Variants in SLC48A1 observed in about 807,000 individuals in gnomAD.
The protein encoded by SLC48A1 is heme transporter HRG1.
SLC48A1 carries 6 observed loss-of-function variants against 14.8 expected under a neutral mutation model. That is an observed-to-expected ratio of 0.41 (90% CI 0.22 to 0.80). The LOEUF (loss-of-function observed/expected upper bound fraction) is 0.80. Among genes scored for constraint, SLC48A1 ranks in the 30% least tolerant of loss-of-function variants. SLC48A1 has a pLI of 0.34. For synonymous variants in SLC48A1, 89 were observed against 90.0 expected (o/e 0.99, Z 0.06); for missense variants, 165 against 204.8 (o/e 0.81, Z 1.19).
rs916243112 is a variant in SLC48A1 at position 47,781,019 on chromosome 12, C to T, written c.*738C>T. 2 of 453,692 alleles carry T rather than the reference C, an allele frequency of 4.4e-6. No individual in the cohort carries two copies. Among genetic ancestry groups the T allele is most frequent in the African/African-American group, 2.0e-5 (1 of 49,688 alleles). 28.1% of individuals were successfully genotyped at this position (453,692 alleles called of 1,614,324 possible). A position where few individuals can be genotyped will look rare whatever the true frequency, so the allele number is the denominator to read the frequency against. On this transcript the variant is annotated 3_prime_UTR_variant, in exon 3 of 3. Coordinates refer to ENST00000442218, the MANE Select transcript of SLC48A1 (RefSeq NM_017842.3). ...TGCCCTAGGCACTCTCTTCCCAAGGCCAGGTTGGGCACCTGGGGAGGTCAG... is the reference window on the plus strand; with the variant it reads ...TGCCCTAGGCACTCTCTTCCCAAGGTCAGGTTGGGCACCTGGGGAGGTCAG...
At chr12:47,779,936 A>C (rs544493504) in intron 2 of SLC48A1, among the ~76,000 whole-genome samples, 1 of 152,324 alleles carries the variant, frequency 6.6e-6, no homozygotes, top group East Asian at 1.9e-4. Flanking sequence ...TTGTGGAAAA[A>C]TTGTCTTCCA....
chr12:47,757,012 G>A (rs571066176), upstream of SLC48A1, among the ~76,000 whole-genome samples: 6 of 151,958 alleles, frequency 3.9e-5, no homozygotes, highest in South Asian at 2.1e-4. Context: ...GAACTCTCCC[G>A]GCCAAGCGCA....
intron 1 of SLC48A1, chr12:47,760,161 T>C (rs12426774): frequency 0.15 from 148,232 of 965,200 alleles, 11,891 homozygotes; most frequent in Non-Finnish European, 0.16. Context: ...CAGCAATTCA[T>C]ATTCAATCCT....
At chr12:47,767,386 G>C (rs1942539442), upstream of SLC48A1, among the ~76,000 whole-genome samples, 1 of 152,280 alleles carries the variant, frequency 6.6e-6, no homozygotes, top group South Asian at 2.1e-4. Context: ...CATATGTATT[G>C]AATATTTATT....
upstream of SLC48A1, among the ~76,000 whole-genome samples, chr12:47,771,826 G>A (rs577220640): frequency 4.3e-4 from 66 of 152,116 alleles, no homozygotes; most frequent in African/African-American, 1.5e-3. Context: ...CCAACTTCTC[G>A]GGAGGCTGAT....
At chr12:47,762,288 C>G (rs2136843553) in intron 2 of SLC48A1, among the ~76,000 whole-genome samples, 1 of 136,986 alleles carries the variant, frequency 7.3e-6, no homozygotes, top group African/African-American at 2.7e-5. Context: ...CCACCTCGGC[C>G]TCTTTGCTGA....
At chr12:47,762,438 C>A (rs1300562464) in intron 2 of SLC48A1, among the ~76,000 whole-genome samples, 4 of 152,200 alleles carry the variant, frequency 2.6e-5, no homozygotes, top group African/African-American at 7.2e-5. Context: ...AAGTGAGGAG[C>A]CTGATACCCT....
At position 47,780,694 on chromosome 12, in the gene SLC48A1, G is replaced by C. The variant is rs1157484634; in HGVS notation, c.*413G>C. On this transcript the variant is annotated 3_prime_UTR_variant, in exon 3 of 3. Transcript: ENST00000442218. ...CAATTCTCCTGCCTTGGCCTCTCAA[G>C]TAGCTGGGATTACAGGCATCTGCCA... 2.5e-6 allele frequency: 1 copy of C among 400,130 alleles called. No individual in the cohort carries two copies. Among genetic ancestry groups the C allele is most frequent in the Non-Finnish European group, 4.9e-6 (1 of 203,820 alleles). 24.8% of individuals were successfully genotyped at this position (400,130 alleles called of 1,614,324 possible).
chr12:47,773,188 C>T, upstream of SLC48A1: 1 of 996,896 alleles, frequency 1.0e-6, no homozygotes. Context: ...GGGCCGGGGG[C>T]GGAGCGCGGG....
In SLC48A1 at chr12:47,780,366, C is replaced by G. The variant is rs1349017465; in HGVS notation, c.*85C>G. On this transcript the variant is annotated 3_prime_UTR_variant, in exon 3 of 3. Transcript: ENST00000442218. ...GATGTTGGGAGAGGCTACTCCCACC[C>G]CCTGGTGACCCCAGAACTGTGGCAG... 23 of 1,580,952 alleles carry G rather than the reference C, an allele frequency of 1.5e-5. No homozygotes were observed. The highest frequency in any genetic ancestry group is 1.7e-5 in the Non-Finnish European group (19 of 1,150,266).
chr12:47,758,020 G>C, upstream of SLC48A1: 1 of 1,576,358 alleles, frequency 6.3e-7, no homozygotes, highest in Non-Finnish European at 8.6e-7. Flanking sequence ...TGCTCCCAGA[G>C]CTGGGCTATC....
chr12:47,776,906 A>G (rs944093306), intron 1 of SLC48A1, among the ~76,000 whole-genome samples: 3 of 152,138 alleles, frequency 2.0e-5, no homozygotes, highest in African/African-American at 7.2e-5. Context: ...TTTTCTCCCA[A>G]GCTGGCTTCT....
Position 47,781,297 on chromosome 12 carries a change from C to A in SLC48A1, c.*1016C>A, listed in dbSNP as rs1392460572. 5.7e-6 allele frequency: 1 copy of A among 175,278 alleles called. No individual in the cohort carries two copies. Among genetic ancestry groups the A allele is most frequent in the Non-Finnish European group, 1.2e-5 (1 of 80,872 alleles). 10.9% of individuals were successfully genotyped at this position (175,278 alleles called of 1,614,324 possible). ...GCAACATAGTAGAGGCTGGAAAGAG[C>A]CCCCAAACCTGTACCCATGCCCCTC... On this transcript the variant is annotated 3_prime_UTR_variant, in exon 3 of 3. Transcript: ENST00000442218.
At chr12:47,767,285 C>A (rs1026514342), upstream of SLC48A1, among the ~76,000 whole-genome samples, 1 of 152,154 alleles carries the variant, frequency 6.6e-6, no homozygotes, top group Non-Finnish European at 1.5e-5. Context: ...ACCAGTCCAA[C>A]CTGCAAAGCT....
At chr12:47,760,126 C>T (rs1219899989) in intron 1 of SLC48A1, 1 of 816,982 alleles carries the variant, frequency 1.2e-6, no homozygotes, top group East Asian at 1.3e-4. Context: ...TTCCCAGAAG[C>T]TTACTAAAAT....
chr12:47,764,487 C>T (rs575763102), intron 2 of SLC48A1, among the ~76,000 whole-genome samples: 1 of 152,338 alleles, frequency 6.6e-6, no homozygotes, highest in South Asian at 2.1e-4. Flanking sequence ...GTAGGGGCGA[C>T]TGCAGGAGCC....
At chr12:47,758,139 T>A, upstream of SLC48A1, 2 of 1,519,418 alleles carry the variant, frequency 1.3e-6, no homozygotes, top group East Asian at 2.5e-5. Context: ...TGGGCCACAG[T>A]ACAACTGCCC....
chr12:47,756,969 A>G (rs1285851893), upstream of SLC48A1, among the ~76,000 whole-genome samples: 1 of 150,854 alleles, frequency 6.6e-6, no homozygotes, highest in Non-Finnish European at 1.5e-5. Flanking sequence ...CTCTGGTTAA[A>G]AAAAAAAAAA....
upstream of SLC48A1, chr12:47,769,119 G>A (rs556800430): frequency 7.2e-5 from 11 of 152,336 alleles, no homozygotes; most frequent in East Asian, 3.9e-4. Context: ...TAGAAATGGC[G>A]CACATTGCTT....
Sources: allele counts gnomAD v4.1 joint callset (sites outside exome capture counted in the v4.1 genomes callset), GRCh38; gene constraint gnomAD v4.1.1; transcripts MANE v1.5; gene names NCBI Gene and HGNC (gene_info 2026-07-23, HGNC 2026-07-21).